BLMH: variants seen among roughly 807,000 people sequenced by gnomAD.
BLMH encodes bleomycin hydrolase, also known as BLM hydrolase.
In BLMH, 32 loss-of-function variants were observed where a neutral mutation model predicts 61.6. The ratio of observed to expected loss-of-function variants is 0.52; its 90% confidence interval spans 0.39 to 0.70. BLMH has a LOEUF of 0.70. Among genes scored for constraint, BLMH ranks in the 30% least tolerant of loss-of-function variants. The pLI is 0.00. For missense variants in BLMH, 460 were observed against 555.5 expected, an observed-to-expected ratio of 0.83 and a Z score of 1.73; for synonymous variants, 183 against 193.8, an observed-to-expected ratio of 0.94 and a Z score of 0.46.
At position 30,281,307 on chromosome 17, in the gene BLMH, GA is replaced by G. The variant is rs918797813; in HGVS notation, c.645+4080del. ...TACTTCTAGAGGTGTTTATATCAAA[GA>G]AAGAAACAGAAATGCGGACTATCTG... On this transcript the variant is annotated intron_variant, in intron 6 of 11. Coordinates refer to ENST00000261714, the MANE Select transcript of BLMH (RefSeq NM_000386.4). 3.2e-4 allele frequency among the ~76,000 whole-genome samples: 49 copies of G among 151,996 alleles called. 1 individual carries two copies. The highest frequency in any genetic ancestry group is 1.0e-3 in the African/African-American group (43 of 41,448).
chr17:30,283,154 T>G (rs1199691314), intron 6 of BLMH, among the ~76,000 whole-genome samples: 1 of 152,142 alleles, frequency 6.6e-6, no homozygotes, highest in Non-Finnish European at 1.5e-5. Flanking sequence ...AAAGCAAGAC[T>G]CTGTCTCTAA....
At chr17:30,286,259 T>C (rs1567839562) in intron 5 of BLMH, among the ~76,000 whole-genome samples, 2 of 152,188 alleles carry the variant, frequency 1.3e-5, no homozygotes, top group African/African-American at 2.4e-5. Flanking sequence ...AGCATCCCCG[T>C]AGGAATTATA....
At chr17:30,258,751 G>A (rs1443417008) in intron 11 of BLMH, among the ~76,000 whole-genome samples, 2 of 152,174 alleles carry the variant, frequency 1.3e-5, no homozygotes, top group African/African-American at 4.8e-5. Context: ...AAATTTAGAT[G>A]CCATCCAAGG....
intron 11 of BLMH, among the ~76,000 whole-genome samples, chr17:30,259,493 T>G (rs1418515000): frequency 1.3e-5 from 2 of 152,124 alleles, no homozygotes; most frequent in Non-Finnish European, 2.9e-5. Flanking sequence ...TTCCATGTCT[T>G]CCTATTGTCT....
In BLMH at chr17:30,283,326, C is replaced by A. The variant is rs138238236; in HGVS notation, c.645+2062G>T. On this transcript the variant is annotated intron_variant, in intron 6 of 11. Coordinates refer to ENST00000261714, the MANE Select transcript of BLMH (RefSeq NM_000386.4). ...GAGGAAAAAAATATGTGAAACATAT[C>A]TGCCCTAATTCTTACCAGCCAATTA... is the stretch of plus-strand genomic sequence containing the variant. Among the ~76,000 whole-genome samples, 823 of 152,232 alleles carry A rather than the reference C, an allele frequency of 5.4e-3. 11 individuals are homozygous for A. The highest frequency in any genetic ancestry group is 0.018 in the African/African-American group (758 of 41,524).
rs1908908594 is a variant in BLMH, at chr17:30,291,935, C to T, written c.-116G>A. ...CGACCTGTCTCTCGCACCCGGAGCGCCGGAAAAAGGAAACCGGCTCGGCGG... is the reference window on the plus strand; with the variant it reads ...CGACCTGTCTCTCGCACCCGGAGCGTCGGAAAAAGGAAACCGGCTCGGCGG... On this transcript the variant is annotated 5_prime_UTR_variant, in exon 1 of 12. Coordinates refer to ENST00000261714, the MANE Select transcript of BLMH (RefSeq NM_000386.4). 2 of 1,179,660 alleles carry T rather than the reference C, an allele frequency of 1.7e-6. No homozygotes were observed. The highest frequency in any genetic ancestry group is 3.2e-5 in the African/African-American group (2 of 62,526). The allele number at this position is 1,179,660 out of a possible 1,614,324, so 73.1% of individuals were successfully genotyped here.
chr17:30,285,516 C>G, intron 5 of BLMH, 36 bp from the exon 6 acceptor site: 1 of 1,533,712 alleles, frequency 6.5e-7, no homozygotes, highest in Non-Finnish European at 8.9e-7. Context: ...CCAACAGTTA[C>G]CCGAATTCAA....
In BLMH at chr17:30,249,026, C is replaced by T; in HGVS notation, c.1359G>A (p.Leu453=). 1 of 1,613,964 alleles carries T rather than the reference C, an allele frequency of 6.2e-7. No homozygotes were observed. The highest frequency in any genetic ancestry group is 2.2e-5 in the East Asian group (1 of 44,872). ...ILPAWDPMGA[L]AE ...GAGCTGGAGGGCAGTATCACTCAGC[C>T]AAAGCTCCCATGGGGTCCCATGCTG... Residue 453 remains leucine, a synonymous_variant, in exon 12 of 12, where the codon TTG becomes TTA. Coordinates refer to ENST00000261714, the MANE Select transcript of BLMH (RefSeq NM_000386.4).
At chr17:30,262,533 C>A (rs1178091552) in intron 11 of BLMH, among the ~76,000 whole-genome samples, 3 of 152,152 alleles carry the variant, frequency 2.0e-5, no homozygotes, top group Non-Finnish European at 4.4e-5. Context: ...CGGTGGCTCA[C>A]GCCTGTAACC....
At chr17:30,272,531 G>A (rs771934497) in intron 9 of BLMH, 30 bp downstream of exon 9, 22 of 1,612,412 alleles carry the variant, frequency 1.4e-5, no homozygotes, top group Non-Finnish European at 2.5e-6. Flanking sequence ...ACCCACAAAT[G>A]ACTTTCCATT....
At chr17:30,259,924 A>C (rs910487239) in intron 11 of BLMH, among the ~76,000 whole-genome samples, 1 of 152,170 alleles carries the variant, frequency 6.6e-6, no homozygotes, top group Non-Finnish European at 1.5e-5. Context: ...CTGAATTTTT[A>C]GAGATCTGAA....
rs923213475 is a variant in BLMH at position 30,291,908 on chromosome 17, C to T, written c.-89G>A. ...GCGCTGCGGCTCGCTGCCTAGGGGG[C>T]CCGACCTGTCTCTCGCACCCGGAGC... On this transcript the variant is annotated 5_prime_UTR_variant, in exon 1 of 12. Transcript: ENST00000261714. 19 of 1,250,514 alleles carry T rather than the reference C, an allele frequency of 1.5e-5. No homozygotes were observed. Among genetic ancestry groups the T allele is most frequent in the South Asian group, 3.0e-5 (1 of 32,904 alleles). 77.5% of individuals were successfully genotyped at this position (1,250,514 alleles called of 1,614,324 possible).
intron 11 of BLMH, among the ~76,000 whole-genome samples, chr17:30,265,516 G>C (rs1908077821): frequency 6.6e-6 from 1 of 152,140 alleles, no homozygotes; most frequent in South Asian, 2.1e-4. Context: ...CAACAACAAA[G>C]AGTTGCTAAA....
chr17:30,249,391 C>T, intron 11 of BLMH: 1 of 515,988 alleles, frequency 1.9e-6, no homozygotes, highest in East Asian at 3.7e-5. Context: ...TCTTGAGTAA[C>T]TAGGTGATGT....
intron 11 of BLMH, among the ~76,000 whole-genome samples, chr17:30,262,808 C>A (rs1567832879): frequency 1.3e-5 from 2 of 151,984 alleles, no homozygotes; most frequent in East Asian, 3.9e-4. Flanking sequence ...AAAGCAAAAA[C>A]AAAACAAAAC....
intron 11 of BLMH, chr17:30,252,311 T>A (rs1316897803): frequency 6.6e-6 from 1 of 152,146 alleles, no homozygotes; most frequent in Admixed American, 6.5e-5. Flanking sequence ...ACAATTGATT[T>A]GGTGAAGTCA....
chr17:30,264,090 A>G (rs1908034332), intron 11 of BLMH, among the ~76,000 whole-genome samples: 3 of 152,236 alleles, frequency 2.0e-5, no homozygotes, highest in Admixed American at 1.3e-4. Flanking sequence ...AAGTGTGCCA[A>G]TTAAATTAGA....
At chr17:30,291,181 T>C in intron 2 of BLMH, 130 bp downstream of exon 2, 1 of 1,161,446 alleles carries the variant, frequency 8.6e-7, no homozygotes, top group Non-Finnish European at 1.2e-6. Flanking sequence ...TGCCTGTACC[T>C]GTGCCTCATT....
chr17:30,271,839 C>A (rs1046474286), intron 9 of BLMH, among the ~76,000 whole-genome samples: 2 of 152,198 alleles, frequency 1.3e-5, no homozygotes, highest in Non-Finnish European at 1.5e-5. Context: ...ATAAGCACTA[C>A]ACTCACATTG....
Sources: gnomAD v4.1 joint callset for allele counts (sites outside exome capture counted in the v4.1 genomes callset) on GRCh38, gnomAD v4.1.1 for gene constraint, MANE v1.5 for transcripts, NCBI Gene and HGNC (gene_info 2026-07-23, HGNC 2026-07-21) for gene names.